TLL2: variants seen among roughly 807,000 people sequenced by gnomAD.
The protein encoded by TLL2 is tolloid-like protein 2.
In TLL2, 106 loss-of-function variants were observed where a neutral mutation model predicts 123.0. That is an observed-to-expected ratio of 0.86 (90% confidence interval 0.74 to 1.01). The LOEUF is 1.01. Ranked by LOEUF, TLL2 falls within the 50% of genes least tolerant of loss-of-function variation. The probability of loss-of-function intolerance (pLI) is 0.00; values close to 1 mark genes in which losing one functional copy is unlikely to be tolerated. For missense variants in TLL2, 1,332 were observed against 1,336.7 expected (o/e 1.00, Z 0.06); for synonymous variants, 494 against 516.8 (o/e 0.96, Z 0.60).
chr10:96,493,547 G>A (rs1407974197), intron 1 of TLL2, among the ~76,000 whole-genome samples: 5 of 152,186 alleles, frequency 3.3e-5, no homozygotes, highest in Non-Finnish European at 5.9e-5. Flanking sequence ...TGTAGACAGT[G>A]AGGGTAAGGC....
intron 2 of TLL2, among the ~76,000 whole-genome samples, chr10:96,476,284 T>A (rs2134101913): frequency 7.4e-6 from 1 of 135,752 alleles, no homozygotes; most frequent in African/African-American, 2.9e-5. Context: ...GGAGTCTCAC[T>A]CTGTCACTCA....
chr10:96,447,978 C>T (rs1272821958), intron 2 of TLL2, among the ~76,000 whole-genome samples: 1 of 152,156 alleles, frequency 6.6e-6, no homozygotes, highest in Non-Finnish European at 1.5e-5. Context: ...GCTCACATGG[C>T]ACCACGAACC....
intron 2 of TLL2, among the ~76,000 whole-genome samples, chr10:96,456,710 CCT>C (rs1442648049): frequency 2.0e-5 from 3 of 152,194 alleles, no homozygotes; most frequent in Non-Finnish European, 4.4e-5. Context: ...AAGGTGCAGA[CCT>C]CTGGCCAGGG....
intron 13 of TLL2, among the ~76,000 whole-genome samples, chr10:96,389,689 T>C (rs1846266766): frequency 6.6e-6 from 1 of 152,136 alleles, no homozygotes; most frequent in African/African-American, 2.4e-5. Flanking sequence ...GAAGATGCTG[T>C]GGCTGTAGGC....
intron 1 of TLL2, among the ~76,000 whole-genome samples, chr10:96,495,010 G>A (rs188652961): frequency 5.3e-4 from 80 of 152,220 alleles, no homozygotes; most frequent in Middle Eastern, 3.4e-3. Context: ...CTGACCTTAC[G>A]TTTGATTTCA....
intron 16 of TLL2, among the ~76,000 whole-genome samples, chr10:96,383,740 C>T (rs566839638): frequency 3.9e-5 from 6 of 152,302 alleles, no homozygotes; most frequent in Non-Finnish European, 8.8e-5. Flanking sequence ...CCTGCTTCAG[C>T]CTCACGAGTA....
Position 96,398,137 on chromosome 10 carries a change from T to C in TLL2, c.1268-835A>G, listed in dbSNP as rs1466909470. On this transcript the variant is annotated intron_variant, in intron 10 of 20. Coordinates refer to ENST00000357947, the MANE Select transcript of TLL2 (RefSeq NM_012465.4). ...GCTCTTCAGGCAAAGTGTGGCAGGA[T>C]GGCAGCAACATGATTCCAGGCCCAA... Among the ~76,000 whole-genome samples the C allele has an allele frequency of 2.0e-5, 3 of 152,158 alleles. No homozygotes were observed. The East Asian group carries it at 5.8e-4, about 29-fold the overall frequency.
chr10:96,486,560 A>AAAACCTTTGAGAAAC (rs1481377000), intron 1 of TLL2, among the ~76,000 whole-genome samples: 2 of 151,942 alleles, frequency 1.3e-5, no homozygotes, highest in African/African-American at 2.4e-5. Context: ...TTCCTTTGAC[A>AAAACCTTTGAGAAAC]CTCGGGGGTT....
intron 7 of TLL2, among the ~76,000 whole-genome samples, chr10:96,413,859 AAG>A (rs1302692780): frequency 1.3e-5 from 2 of 152,174 alleles, no homozygotes; most frequent in Non-Finnish European, 2.9e-5. Context: ...TGCAGAGAAC[AAG>A]AAGTAGTGAA....
At chr10:96,478,186 C>G (rs529942502) in intron 2 of TLL2, among the ~76,000 whole-genome samples, 459 of 152,336 alleles carry the variant, frequency 3.0e-3, no homozygotes, top group Non-Finnish European at 4.4e-3. Flanking sequence ...CCCTGCCTCT[C>G]TTTGGGGTCT....
chr10:96,393,317 T>C (rs1846306671), intron 13 of TLL2, among the ~76,000 whole-genome samples: 1 of 152,226 alleles, frequency 6.6e-6, no homozygotes, highest in Non-Finnish European at 1.5e-5. Flanking sequence ...CGCATCGGTT[T>C]TTCCAGAAAG....
At chr10:96,482,477 C>T (rs181699017) in intron 1 of TLL2, among the ~76,000 whole-genome samples, 1 of 152,272 alleles carries the variant, frequency 6.6e-6, no homozygotes, top group African/African-American at 2.4e-5. Flanking sequence ...ATCTATACAA[C>T]AGAACTATGT....
At chr10:96,374,823 T>G (rs1259955482) in intron 18 of TLL2, among the ~76,000 whole-genome samples, 1 of 152,192 alleles carries the variant, frequency 6.6e-6, no homozygotes, top group Non-Finnish European at 1.5e-5. Flanking sequence ...CAGCCCTGAA[T>G]GCAGGCTTCT....
At chr10:96,428,544 G>T in intron 5 of TLL2, 87 bp downstream of exon 5, 1 of 858,656 alleles carries the variant, frequency 1.2e-6, no homozygotes, top group Non-Finnish European at 1.9e-6. Context: ...ACAGCTCATT[G>T]GAAATACTTA....
intron 3 of TLL2, among the ~76,000 whole-genome samples, chr10:96,438,812 CAAGTT>C (rs1211214743): frequency 1.3e-5 from 2 of 152,112 alleles, no homozygotes; most frequent in Non-Finnish European, 2.9e-5. Context: ...CACTCTGTAT[CAAGTT>C]AAGATAATTC....
intron 1 of TLL2, among the ~76,000 whole-genome samples, chr10:96,495,537 C>A (rs75569835): frequency 0.042 from 6,462 of 152,118 alleles, 218 homozygotes; most frequent in Non-Finnish European, 0.064. Flanking sequence ...TGTAGTTCCA[C>A]GCTATAAATA....
rs116294168 is a variant in TLL2, at chr10:96,485,436, C to A, written c.176-4977G>T. ...TAGAATCCAGAATATAAAATGAACT[C>A]TTACAATTCAACAACAAAAAGGCAA... On this transcript the variant is annotated intron_variant, in intron 1 of 20. Transcript: ENST00000357947. 3.2e-3 allele frequency among the ~76,000 whole-genome samples: 493 copies of A among 152,226 alleles called. 5 individuals are homozygous for A. The highest frequency in any genetic ancestry group is 0.011 in the African/African-American group (445 of 41,546).
intron 9 of TLL2, among the ~76,000 whole-genome samples, chr10:96,409,675 T>C (rs1458492133): frequency 6.6e-6 from 1 of 152,164 alleles, no homozygotes; most frequent in Non-Finnish European, 1.5e-5. Context: ...ATCCTTGCCC[T>C]GGGCTCAGCT....
At chr10:96,455,926 A>G (rs1306102401) in intron 2 of TLL2, among the ~76,000 whole-genome samples, 16 of 152,206 alleles carry the variant, frequency 1.1e-4, no homozygotes, top group Non-Finnish European at 2.1e-4. Flanking sequence ...AATGGCTTCC[A>G]AATTGCAGGC....
Sources: allele counts gnomAD v4.1 joint callset (sites outside exome capture counted in the v4.1 genomes callset), GRCh38; gene constraint gnomAD v4.1.1; transcripts MANE v1.5; gene names NCBI Gene and HGNC (gene_info 2026-07-23, HGNC 2026-07-21).